ADAMTS17: variants seen among roughly 807,000 people sequenced by gnomAD.
ADAMTS17 encodes the protein A disintegrin and metalloproteinase with thrombospondin motifs 17.
In ADAMTS17, 113 loss-of-function variants were observed where a neutral mutation model predicts 141.5. The ratio of observed to expected loss-of-function variants is 0.80; its 90% CI spans 0.69 to 0.93. The LOEUF (loss-of-function observed/expected upper bound fraction) is 0.93. ADAMTS17 is among the 40% of genes least tolerant of loss of function. ADAMTS17 has a pLI of 0.00. For missense variants in ADAMTS17, 1,659 were observed against 1,517.9 expected, an observed-to-expected ratio of 1.09 and a Z score of -1.54; for synonymous variants, 768 against 630.6, an observed-to-expected ratio of 1.22 and a Z score of -3.27.
intron 12 of ADAMTS17, among the ~76,000 whole-genome samples, chr15:100,127,909 T>G (rs2037827834): frequency 6.6e-6 from 1 of 151,394 alleles, no homozygotes; most frequent in African/African-American, 2.4e-5. Context: ...TTTTTTTCTG[T>G]ACAATGAAGA....
chr15:100,298,761 C>T (rs574021814), intron 3 of ADAMTS17, among the ~76,000 whole-genome samples: 66 of 152,248 alleles, frequency 4.3e-4, no homozygotes, highest in Non-Finnish European at 8.4e-4. Context: ...CACAGGATAC[C>T]CCGAAAATAA....
chr15:100,339,972 C>A (rs2046316205), intron 2 of ADAMTS17, among the ~76,000 whole-genome samples: 1 of 152,198 alleles, frequency 6.6e-6, no homozygotes, highest in Non-Finnish European at 1.5e-5. Context: ...CTGGAGAATT[C>A]TAGATGGTGG....
At chr15:100,165,427 T>C (rs1367096503) in intron 8 of ADAMTS17, among the ~76,000 whole-genome samples, 1 of 152,180 alleles carries the variant, frequency 6.6e-6, no homozygotes, top group Non-Finnish European at 1.5e-5. Context: ...GGCTTCATGA[T>C]AGGATGGTCC....
intron 15 of ADAMTS17, among the ~76,000 whole-genome samples, chr15:100,067,998 C>A (rs2033671287): frequency 6.6e-6 from 1 of 152,174 alleles, no homozygotes; most frequent in Non-Finnish European, 1.5e-5. Context: ...AATTCCCTTT[C>A]CTAGTCAAAG....
chr15:100,068,658 C>G (rs1006457068), intron 15 of ADAMTS17, among the ~76,000 whole-genome samples: 1 of 152,208 alleles, frequency 6.6e-6, no homozygotes, highest in South Asian at 2.1e-4. Flanking sequence ...GAGTGGACCT[C>G]CAGCAAAATC....
intron 15 of ADAMTS17, among the ~76,000 whole-genome samples, chr15:100,093,760 G>C (rs745573478): frequency 6.6e-6 from 1 of 152,124 alleles, no homozygotes; most frequent in Non-Finnish European, 1.5e-5. Context: ...GCTCACATAG[G>C]CTGATGCTGT....
rs750584036 is a variant in ADAMTS17, at chr15:100,110,913, CCT to C, written c.1889-1799_1889-1798del. On this transcript the variant is annotated intron_variant, in intron 13 of 21. Transcript: ENST00000268070. ...CTCGTGACTGGAGGACTAAACCACCCCTGTGTTCAGTCACCTTCCAGGCCTCC... is the reference window on the plus strand; with the variant it reads ...CTCGTGACTGGAGGACTAAACCACCCGTGTTCAGTCACCTTCCAGGCCTCC... Among the ~76,000 whole-genome samples the C allele has an allele frequency of 9.2e-5, 14 of 152,264 alleles. No homozygotes were observed. In the South Asian group the frequency reaches 1.0e-3, roughly 11 times the overall value.
chr15:100,147,822 C>A (rs555383270), intron 10 of ADAMTS17, among the ~76,000 whole-genome samples: 2 of 152,352 alleles, frequency 1.3e-5, no homozygotes, highest in African/African-American at 2.4e-5. Flanking sequence ...CTACTACAAA[C>A]TTAGTGGCTT....
In ADAMTS17 at chr15:100,341,861, G is replaced by A; in HGVS notation, c.39C>T (p.Pro13=). The change falls in exon 1 of 22, where the codon CCC becomes CCT. Residue 13 remains proline (P), a synonymous_variant. Transcript: ENST00000268070. ...GTCCCCAAACCAGCAGCAGCAGCAC[G>A]GGCAGGACGAGCGGAGGCAGCAGGG... ...DGALLPPLVL[P]VLLLLVWGLD... is the part of the protein sequence containing the mutation. 2 of 1,553,166 alleles carry A rather than the reference G, an allele frequency of 1.3e-6. No homozygotes were observed. The highest frequency in any genetic ancestry group is 1.2e-5 in the South Asian group (1 of 84,224).
chr15:100,066,673 T>C (rs1567116549), intron 15 of ADAMTS17, among the ~76,000 whole-genome samples: 2 of 152,258 alleles, frequency 1.3e-5, no homozygotes, highest in African/African-American at 4.8e-5. Context: ...AATACATTTT[T>C]CCACTGTCTT....
chr15:100,298,377 G>A (rs896614830), intron 3 of ADAMTS17, among the ~76,000 whole-genome samples: 3 of 152,132 alleles, frequency 2.0e-5, no homozygotes, highest in Admixed American at 2.0e-4. Context: ...AACTGGGAAA[G>A]GACAACTGTC....
chr15:100,281,692 C>T (rs1344112494), intron 3 of ADAMTS17, among the ~76,000 whole-genome samples: 1 of 152,138 alleles, frequency 6.6e-6, no homozygotes, highest in Non-Finnish European at 1.5e-5. Context: ...AGGAGAAAAC[C>T]CACCCCTTTA....
intron 15 of ADAMTS17, among the ~76,000 whole-genome samples, chr15:100,080,658 CA>C (rs1045985666): frequency 2.6e-5 from 4 of 152,158 alleles, no homozygotes; most frequent in Non-Finnish European, 5.9e-5. Flanking sequence ...TGACCAGCTG[CA>C]GAAATGAAGT....
intron 15 of ADAMTS17, among the ~76,000 whole-genome samples, chr15:100,076,157 C>G (rs1481267529): frequency 1.3e-5 from 2 of 152,306 alleles, no homozygotes; most frequent in African/African-American, 4.8e-5. Flanking sequence ...ATTCTCCTAC[C>G]TCAGCTTCCT....
chr15:100,316,700 T>G (rs558534114), intron 3 of ADAMTS17, among the ~76,000 whole-genome samples: 2 of 152,352 alleles, frequency 1.3e-5, no homozygotes, highest in South Asian at 4.1e-4. Flanking sequence ...TAATAATACT[T>G]TCTACTTCAT....
chr15:100,304,922 T>G lies in ADAMTS17; in HGVS notation c.617-23521A>C, dbSNP rs535746337. On this transcript the variant is annotated intron_variant, in intron 3 of 21. Transcript: ENST00000268070. The stretch of plus-strand genomic sequence containing the variant: ...TTTGTAATGATCTACTTCCACTTAA[T>G]AAATAGTGAATATATTTTCTCTTAT... Among the ~76,000 whole-genome samples the G allele has an allele frequency of 2.0e-5, 3 of 152,362 alleles. No homozygotes were observed. The South Asian group carries it at 6.2e-4, about 32-fold the overall frequency.
chr15:100,218,324 TA>T (rs2042030692), intron 7 of ADAMTS17, among the ~76,000 whole-genome samples: 1 of 152,242 alleles, frequency 6.6e-6, no homozygotes, highest in Non-Finnish European at 1.5e-5. Flanking sequence ...GTTTGTCATT[TA>T]AAAATAAAAT....
chr15:99,987,581 T>C (rs1414617438), intron 20 of ADAMTS17, among the ~76,000 whole-genome samples: 1 of 152,080 alleles, frequency 6.6e-6, no homozygotes, highest in Admixed American at 6.5e-5. Context: ...ATCTGCAAGC[T>C]GGACAGCAAA....
At chr15:100,079,228 C>T (rs1179202676) in intron 15 of ADAMTS17, among the ~76,000 whole-genome samples, 6 of 152,202 alleles carry the variant, frequency 3.9e-5, no homozygotes, top group African/African-American at 1.4e-4. Context: ...GAAAACATGT[C>T]CACATGGTAA....
Sources: allele counts gnomAD v4.1 joint callset (sites outside exome capture counted in the v4.1 genomes callset), GRCh38; gene constraint gnomAD v4.1.1; transcripts MANE v1.5; gene names NCBI Gene and HGNC (gene_info 2026-07-23, HGNC 2026-07-21).